Variants in ZNF618 observed in about 807,000 individuals in gnomAD.
ZNF618 encodes the protein zinc finger protein 618, also known as neural precursor cell expressed, developmentally down-regulated 10.
ZNF618 carries 34 observed loss-of-function variants against 103.0 expected under a neutral mutation model. That is an observed-to-expected ratio of 0.33 (90% CI 0.25 to 0.44). ZNF618 has a LOEUF of 0.44. ZNF618 is among the 20% of genes least tolerant of loss of function. The pLI is 1.00. For synonymous variants in ZNF618, 551 were observed against 542.2 expected, an observed-to-expected ratio of 1.02 and a Z score of -0.23; for missense variants, 1,059 against 1,295.4, an observed-to-expected ratio of 0.82 and a Z score of 2.80.
intron 1 of ZNF618, among the ~76,000 whole-genome samples, chr9:113,951,838 T>C (rs914623519): frequency 1.3e-5 from 2 of 152,034 alleles, no homozygotes. Context: ...CCCAGTTTGA[T>C]GATTGAATGT....
At chr9:113,904,993 C>T (rs1011284572) in intron 1 of ZNF618, among the ~76,000 whole-genome samples, 13 of 152,136 alleles carry the variant, frequency 8.5e-5, no homozygotes, top group African/African-American at 2.2e-4. Context: ...GGGATTAGGA[C>T]GCACATGTCT....
chr9:114,035,351 T>C, intron 12 of ZNF618: 1 of 704,154 alleles, frequency 1.4e-6, no homozygotes, highest in Non-Finnish European at 1.7e-6. Context: ...TGGGCTGCCC[T>C]CCCGGGCAGA....
chr9:113,975,729 G>A (rs1838408290), intron 2 of ZNF618, among the ~76,000 whole-genome samples: 1 of 152,214 alleles, frequency 6.6e-6, no homozygotes, highest in Admixed American at 6.5e-5. Context: ...TGTTTCAGAT[G>A]AGGAGTATTC....
At chr9:114,029,044 T>TG in intron 11 of ZNF618, 72 bp downstream of exon 11, 1 of 1,496,266 alleles carries the variant, frequency 6.7e-7, no homozygotes, top group Admixed American at 2.1e-5. Context: ...CAGCTGTGCC[T>TG]GGGGTTGTTG....
chr9:113,957,743 A>T (rs1836443210), intron 1 of ZNF618, among the ~76,000 whole-genome samples: 1 of 151,758 alleles, frequency 6.6e-6, no homozygotes, highest in Non-Finnish European at 1.5e-5. Flanking sequence ...GGTTCACCTA[A>T]TTTGGAGTTT....
intron 1 of ZNF618, among the ~76,000 whole-genome samples, chr9:113,953,648 A>G (rs1263445291): frequency 1.3e-5 from 2 of 152,158 alleles, no homozygotes; most frequent in African/African-American, 4.8e-5. Flanking sequence ...AAATGAAGTA[A>G]TGGATATAAA....
chr9:113,878,456 G>C (rs1045321959), intron 1 of ZNF618, among the ~76,000 whole-genome samples: 21 of 151,990 alleles, frequency 1.4e-4, no homozygotes, highest in African/African-American at 4.8e-4. Context: ...GGAGGTTTTG[G>C]CCTTAAAATG....
At chr9:114,034,815 C>T (rs1844438658) in intron 12 of ZNF618, among the ~76,000 whole-genome samples, 1 of 152,188 alleles carries the variant, frequency 6.6e-6, no homozygotes, top group African/African-American at 2.4e-5. Flanking sequence ...CCAAACATCC[C>T]CACCCTGGTG....
intron 1 of ZNF618, among the ~76,000 whole-genome samples, chr9:113,910,568 C>T (rs545819853): frequency 6.4e-4 from 97 of 152,308 alleles, no homozygotes; most frequent in Non-Finnish European, 1.2e-3. Flanking sequence ...ATTTTCCTTT[C>T]GCTTGGATCT....
chr9:113,957,343 G>A (rs1280440087), intron 1 of ZNF618, among the ~76,000 whole-genome samples: 1 of 152,138 alleles, frequency 6.6e-6, no homozygotes, highest in Non-Finnish European at 1.5e-5. Context: ...AGGAAACTAA[G>A]GCTGAGAGAC....
At chr9:113,938,564 C>CTTTTTTTTTTTTTTTTTTTTTT (rs751883694) in intron 1 of ZNF618, among the ~76,000 whole-genome samples, 1 of 77,690 alleles carries the variant, frequency 1.3e-5, no homozygotes, top group Non-Finnish European at 2.9e-5. Flanking sequence ...ATTATATTTT[C>CTTTTTTTTTTTTTTTTTTTTTT]TTTTTTTCTT....
chr9:114,016,034 G>T, intron 9 of ZNF618: 1 of 1,359,422 alleles, frequency 7.4e-7, no homozygotes, highest in East Asian at 2.3e-5. Context: ...TCTTTGTTTG[G>T]GGGTTACAGA....
intron 2 of ZNF618, among the ~76,000 whole-genome samples, chr9:113,974,947 T>C (rs1167408432): frequency 6.6e-6 from 1 of 152,230 alleles, no homozygotes; most frequent in African/African-American, 2.4e-5. Context: ...ATTATATTAG[T>C]ACCTCCTTCA....
chr9:113,988,446 A>C lies in ZNF618; in HGVS notation c.203A>C (p.Asp68Ala), dbSNP rs753400259. The C allele has an allele frequency of 6.2e-7, 1 of 1,613,650 alleles. No homozygotes were observed. Among genetic ancestry groups the C allele is most frequent in the Non-Finnish European group, 8.5e-7 (1 of 1,179,892 alleles). The change falls in exon 3 of 15, where the codon GAT (aspartate) becomes GCT (alanine). Residue 68 changes from aspartate (D) to alanine (A), a missense_variant. Transcript: ENST00000374126. Reference protein sequence around the residue: ...TEVKVKTELPDDYIQEVIWQG... With the variant: ...TEVKVKTELPADYIQEVIWQG... ...GTGAAGGTGAAGACAGAGCTGCCCG[A>C]TGACTACATCCAGGAGGTGATCTGG...
rs1177862316 is a variant in ZNF618 at position 114,028,811 on chromosome 9, C to T, written c.923C>T (p.Pro308Leu). 1.3e-6 allele frequency: 2 copies of T among 1,550,642 alleles called. No individual in the cohort carries two copies. The highest frequency in any genetic ancestry group is 2.7e-5 in the African/African-American group (2 of 73,178). Residue 308 changes from proline (P) to leucine (L), a missense_variant, in exon 11 of 15, where the codon CCA (proline) becomes CTA (leucine). Physicochemically the swap from Pro to Leu is moderately conservative, Grantham distance 98. This residue lies in a region of ZNF618 where 434 missense variants were observed against 476.0 expected (regional missense o/e 0.91). Transcript: ENST00000374126. ...TCACATCCAGAGGTCTCCCCATCTC[C>T]ACGCTTCGTGGCAGCGAAGACCCAG... The part of the protein sequence containing the change: ...ECSHPEVSPS[P>L]RFVAAKTQTN...
chr9:114,029,010 C>G lies in ZNF618; in HGVS notation c.1084+38C>G, dbSNP rs1056764683. ...TATGTGACCCCCACACTTTCTCCCC[C>G]ACTGCCCTTCTCACCACCTGCCACA... On this transcript the variant is annotated intron_variant, in intron 11 of 14. Transcript: ENST00000374126. 6.9e-5 allele frequency: 106 copies of G among 1,531,196 alleles called. No individual in the cohort carries two copies. The African/African-American group carries it at 1.3e-3, about 18-fold the overall frequency. 94.9% of individuals were successfully genotyped at this position (1,531,196 alleles called of 1,614,324 possible). A position where few individuals can be genotyped will look rare whatever the true frequency, so the allele number is the denominator to read the frequency against.
intron 13 of ZNF618, among the ~76,000 whole-genome samples, chr9:114,046,585 G>A (rs911067382): frequency 1.2e-4 from 18 of 152,206 alleles, no homozygotes; most frequent in Admixed American, 9.8e-4. Flanking sequence ...GAAGAAATGA[G>A]AGTGAGAGTG....
Position 113,967,612 on chromosome 9 carries a change from T to C in ZNF618, c.34-1505T>C, listed in dbSNP as rs142198293. 3.5e-3 allele frequency among the ~76,000 whole-genome samples: 532 copies of C among 152,308 alleles called. 3 individuals are homozygous for C. The highest frequency in any genetic ancestry group is 0.012 in the African/African-American group (503 of 41,564). ...ACCTGAGCTTATAGCTGTGGGACTT[T>C]TGATAAATACATTCTTTGACCTGTG... On this transcript the variant is annotated intron_variant, in intron 1 of 14. Coordinates refer to ENST00000374126, the MANE Select transcript of ZNF618 (RefSeq NM_001318042.2).
intron 1 of ZNF618, among the ~76,000 whole-genome samples, chr9:113,947,738 T>A (rs1295313098): frequency 2.6e-5 from 4 of 152,124 alleles, no homozygotes; most frequent in African/African-American, 9.7e-5. Context: ...GTTCGAGGTC[T>A]CCCCCAGCCT....
Sources: gnomAD v4.1 joint callset for allele counts (sites outside exome capture counted in the v4.1 genomes callset) on GRCh38, gnomAD v4.1.1 for gene constraint, gnomAD v4.1.1 regional missense constraint, MANE v1.5 for transcripts, NCBI Gene and HGNC (gene_info 2026-07-23, HGNC 2026-07-21) for gene names.